The following SNTB1 variants were observed in gnomAD, a reference collection of about 807,000 sequenced individuals.
SNTB1 encodes beta-1-syntrophin.
SNTB1 carries 36 observed loss-of-function variants against 48.9 expected under a neutral mutation model. The observed-to-expected ratio is 0.74, with a 90% CI of 0.56 to 0.97. SNTB1 has a LOEUF of 0.97. Among genes scored for constraint, SNTB1 ranks in the 50% least tolerant of loss-of-function variants. The probability of loss-of-function intolerance (pLI) is 0.00; values close to 1 mark genes in which losing one functional copy is unlikely to be tolerated. For missense variants in SNTB1, 786 were observed against 703.4 expected (o/e 1.12, Z -1.33); for synonymous variants, 299 against 294.6 (o/e 1.01, Z -0.15).
Position 120,713,677 on chromosome 8 carries a change from C to A in SNTB1, c.572-19769G>T, listed in dbSNP as rs765851692. Among the ~76,000 whole-genome samples the A allele has an allele frequency of 3.7e-4, 57 of 152,194 alleles. 1 individual carries two copies. Among genetic ancestry groups the A allele is most frequent in the Admixed American group, 2.2e-3 (34 of 15,288 alleles). Reference sequence around the variant, plus strand: ...CCTGGGAGGCGAAGCTTGCAGTGAGCCAAGACTGTGCCACTGCACTCCAGC... The same window carrying A: ...CCTGGGAGGCGAAGCTTGCAGTGAGACAAGACTGTGCCACTGCACTCCAGC... On this transcript the variant is annotated intron_variant, in intron 1 of 6. Transcript: ENST00000517992.
intron 3 of SNTB1, among the ~76,000 whole-genome samples, chr8:120,585,063 T>C (rs1374312396): frequency 6.6e-6 from 1 of 152,154 alleles, no homozygotes; most frequent in African/African-American, 2.4e-5. Flanking sequence ...ATTTCTGTAG[T>C]GTAAGCCACC....
chr8:120,715,707 G>A (rs1481328146), intron 1 of SNTB1, among the ~76,000 whole-genome samples: 1 of 152,206 alleles, frequency 6.6e-6, no homozygotes, highest in Non-Finnish European at 1.5e-5. Flanking sequence ...AGAGGTTAAA[G>A]TGACAGGCAA....
At chr8:120,560,577 T>C (rs1450281018) in intron 4 of SNTB1, among the ~76,000 whole-genome samples, 4 of 152,330 alleles carry the variant, frequency 2.6e-5, no homozygotes, top group Non-Finnish European at 5.9e-5. Flanking sequence ...AAGTTGATAT[T>C]GAGGGATATT....
chr8:120,755,175 AGAGAGAGAGAGAGC>A (rs1819297075), intron 1 of SNTB1, among the ~76,000 whole-genome samples: 1 of 99,002 alleles, frequency 1.0e-5, no homozygotes, highest in Non-Finnish European at 1.8e-5. Flanking sequence ...TGTGTGTGAG[AGAGAGAGAGAGAGC>A]GAGAGAGAGA....
intron 3 of SNTB1, among the ~76,000 whole-genome samples, chr8:120,616,853 T>C (rs1380773233): frequency 2.0e-5 from 3 of 152,186 alleles, no homozygotes; most frequent in African/African-American, 7.2e-5. Context: ...CTTTGCACCA[T>C]GACAACGAGG....
At chr8:120,658,424 A>G (rs1563843959) in intron 2 of SNTB1, among the ~76,000 whole-genome samples, 1 of 152,224 alleles carries the variant, frequency 6.6e-6, no homozygotes, top group Non-Finnish European at 1.5e-5. Context: ...CAGGAGAACT[A>G]GATACAGACA....
intron 3 of SNTB1, among the ~76,000 whole-genome samples, chr8:120,600,274 G>A (rs1240637631): frequency 6.6e-6 from 1 of 152,220 alleles, no homozygotes; most frequent in African/African-American, 2.4e-5. Context: ...GCGCCCCTGG[G>A]ATCCAGCCAC....
At chr8:120,746,200 A>G (rs1308549267) in intron 1 of SNTB1, among the ~76,000 whole-genome samples, 1 of 151,944 alleles carries the variant, frequency 6.6e-6, no homozygotes, top group African/African-American at 2.4e-5. Context: ...TCCTCAGCCT[A>G]CTCAACATGA....
intron 2 of SNTB1, among the ~76,000 whole-genome samples, chr8:120,642,815 G>A (rs1331902454): frequency 2.0e-5 from 3 of 152,168 alleles, no homozygotes; most frequent in Non-Finnish European, 2.9e-5. Context: ...AGGAGGCTGA[G>A]GTGGGAGGAT....
intron 1 of SNTB1, chr8:120,761,507 G>A (rs762114100): frequency 3.3e-5 from 5 of 152,104 alleles, no homozygotes; most frequent in Admixed American, 6.6e-5. Context: ...TGCCCAGAAG[G>A]GAGAATAATG....
chr8:120,662,933 G>A (rs1382602198), intron 2 of SNTB1, among the ~76,000 whole-genome samples: 1 of 150,316 alleles, frequency 6.7e-6, no homozygotes, highest in African/African-American at 2.4e-5. Context: ...GCTAGGTACT[G>A]GAGATACTGA....
Position 120,604,845 on chromosome 8 carries a change from T to C in SNTB1, c.996+27599A>G, listed in dbSNP as rs1355523008. On this transcript the variant is annotated intron_variant, in intron 3 of 6. Coordinates refer to ENST00000517992, the MANE Select transcript of SNTB1 (RefSeq NM_021021.4). ...TATATAGCTCAGTAACCATTCCTGG[T>C]AAAAAGATATAAACCAGAATTCAAA... 4.6e-5 allele frequency among the ~76,000 whole-genome samples: 7 copies of C among 152,166 alleles called. No individual in the cohort carries two copies. In the East Asian group the frequency reaches 1.3e-3, roughly 29 times the overall value.
At chr8:120,730,052 A>G (rs534676358) in intron 1 of SNTB1, among the ~76,000 whole-genome samples, 5 of 152,364 alleles carry the variant, frequency 3.3e-5, no homozygotes, top group Admixed American at 3.3e-4. Context: ...GATGTCCCAC[A>G]CATAAATCTC....
intron 2 of SNTB1, among the ~76,000 whole-genome samples, chr8:120,649,457 G>A (rs547594863): frequency 1.6e-4 from 23 of 141,148 alleles, no homozygotes; most frequent in Non-Finnish European, 1.5e-5. Flanking sequence ...CTGCTGGGGG[G>A]TGCCTCCCAG....
chr8:120,729,440 CCTT>C (rs1212297579), intron 1 of SNTB1, among the ~76,000 whole-genome samples: 2 of 152,088 alleles, frequency 1.3e-5, no homozygotes, highest in Non-Finnish European at 2.9e-5. Context: ...TGTTATTACT[CCTT>C]GTGAGAAAAA....
rs554436822 is a variant in SNTB1, at chr8:120,581,659, A to G, written c.997-6434T>C. 7.9e-4 allele frequency among the ~76,000 whole-genome samples: 121 copies of G among 152,320 alleles called. 1 individual carries two copies. Among genetic ancestry groups the G allele is most frequent in the African/African-American group, 2.6e-3 (110 of 41,580 alleles). On this transcript the variant is annotated intron_variant, in intron 3 of 6. Transcript: ENST00000517992. ...GTATCATGTGGATGGATGTTAAGAT[A>G]ATGATGAAAAATAAAGTGAGGTGAA...
intron 1 of SNTB1, among the ~76,000 whole-genome samples, chr8:120,787,031 A>C (rs1327915207): frequency 2.0e-5 from 3 of 152,324 alleles, no homozygotes; most frequent in Admixed American, 2.0e-4. Context: ...GGAGACAGTG[A>C]ACCTGCTCAC....
At chr8:120,618,371 C>T (rs957875666) in intron 3 of SNTB1, among the ~76,000 whole-genome samples, 1 of 152,154 alleles carries the variant, frequency 6.6e-6, no homozygotes, top group African/African-American at 2.4e-5. Context: ...ATTCATATTG[C>T]CCATTCTCTT....
intron 1 of SNTB1, among the ~76,000 whole-genome samples, chr8:120,748,376 C>T (rs1483644310): frequency 3.3e-5 from 5 of 152,018 alleles, no homozygotes; most frequent in African/African-American, 4.8e-5. Context: ...CGTCATCCTT[C>T]CGTAGTCTGG....
Sources: allele counts gnomAD v4.1 joint callset (sites outside exome capture counted in the v4.1 genomes callset), GRCh38; gene constraint gnomAD v4.1.1; transcripts MANE v1.5; gene names NCBI Gene and HGNC (gene_info 2026-07-23, HGNC 2026-07-21).